The following RPTOR variants were observed in gnomAD, a reference collection of about 807,000 sequenced individuals.
The protein encoded by RPTOR is regulatory associated protein of MTOR complex 1, also known as regulatory-associated protein of mTOR.
Under a neutral mutation model 169.9 loss-of-function variants are expected in RPTOR, and 21 were observed. That is an observed-to-expected ratio of 0.12 (90% CI 0.09 to 0.18). RPTOR has a LOEUF of 0.18. Among genes scored for constraint, RPTOR ranks in the 10% least tolerant of loss-of-function variants. RPTOR has a pLI of 1.00. For missense variants in RPTOR, 1,133 were observed against 1,855.9 expected (o/e 0.61, Z 7.16); for synonymous variants, 732 against 753.2 (o/e 0.97, Z 0.46).
intron 5 of RPTOR, among the ~76,000 whole-genome samples, chr17:80,739,716 C>T (rs1159301748): frequency 1.3e-5 from 2 of 151,120 alleles, no homozygotes; most frequent in Non-Finnish European, 2.9e-5. Flanking sequence ...GGTCAGAAGC[C>T]TCAAGGGAAA....
chr17:80,915,524 C>T (rs2068663127), intron 21 of RPTOR, among the ~76,000 whole-genome samples: 2 of 127,990 alleles, frequency 1.6e-5, no homozygotes, highest in African/African-American at 3.0e-5. Context: ...GCTGAGCAGA[C>T]GTCGGGAAAA....
At chr17:80,839,164 T>A (rs1389600216) in intron 10 of RPTOR, among the ~76,000 whole-genome samples, 1 of 152,172 alleles carries the variant, frequency 6.6e-6, no homozygotes, top group Non-Finnish European at 1.5e-5. Flanking sequence ...TACGCGTGAG[T>A]GGGTGTGCAT....
chr17:80,925,472 G>A lies in RPTOR; in HGVS notation c.2911G>A (p.Val971Ile), dbSNP rs368064754. The change falls in exon 24 of 34, where the codon GTC (valine) becomes ATC (isoleucine). Residue 971 changes from valine (V) to isoleucine (I), a missense_variant. By Grantham distance (29) the Val-to-Ile change is conservative. Transcript: ENST00000306801. ...GAGCGCCCGCTATTTTGCCCAGCCC[G>A]TCATGAAGGTGCGCCCGGGGTGTGG... The part of the protein sequence containing the change: ...DWSARYFAQP[V>I]MKIPEEHDLE... The A allele has an allele frequency of 2.9e-5, 47 of 1,612,998 alleles. No individual in the cohort carries two copies. Among genetic ancestry groups the A allele is most frequent in the South Asian group, 2.3e-4 (21 of 91,086 alleles).
At chr17:80,653,735 T>G (rs2065658567) in intron 3 of RPTOR, among the ~76,000 whole-genome samples, 6 of 152,218 alleles carry the variant, frequency 3.9e-5, no homozygotes, top group Non-Finnish European at 1.5e-5. Context: ...CTGCAGGACG[T>G]TCCTTCCCCT....
rs138710888 is a variant in RPTOR, at chr17:80,547,942, C to T, written c.162+2151C>T. 2.6e-5 allele frequency among the ~76,000 whole-genome samples: 4 copies of T among 151,676 alleles called. No individual in the cohort carries two copies. The East Asian group carries it at 7.7e-4, about 29-fold the overall frequency. On this transcript the variant is annotated intron_variant, in intron 1 of 33. Transcript: ENST00000306801. ...AACTGGGCTATGGCCAGGCCTCTCT[C>T]TTTGTCTTTGAGAAGTCAGCAAACT...
intron 5 of RPTOR, among the ~76,000 whole-genome samples, chr17:80,744,619 T>C (rs113096540): frequency 0.014 from 52 of 3,636 alleles, 3 homozygotes; most frequent in South Asian, 0.045. Context: ...ACAGCCCTGG[T>C]TACTAGCAGA....
Position 80,962,595 on chromosome 17 carries a change from C to A in RPTOR, c.3809+18C>A. On this transcript the variant is annotated intron_variant, in intron 32 of 33. Transcript: ENST00000306801. ...ATCGCATGGTAGGCGCCACCCACCT[C>A]CCTGGCCTGCACCGCTCACCCGCCT... 6.3e-7 allele frequency: 1 copy of A among 1,598,546 alleles called. No homozygotes were observed. The highest frequency in any genetic ancestry group is 8.6e-7 in the Non-Finnish European group (1 of 1,167,790).
At chr17:80,760,710 A>G (rs1274864579) in intron 6 of RPTOR, among the ~76,000 whole-genome samples, 1 of 152,144 alleles carries the variant, frequency 6.6e-6, no homozygotes, top group Non-Finnish European at 1.5e-5. Context: ...GCTGCAGATG[A>G]CGGCTGTGCG....
In RPTOR at chr17:80,940,538, C is replaced by T. The variant is rs1484629953; in HGVS notation, c.2962C>T (p.Arg988Trp). 1.9e-6 allele frequency: 3 copies of T among 1,613,522 alleles called. No homozygotes were observed. The highest frequency in any genetic ancestry group is 2.5e-6 in the Non-Finnish European group (3 of 1,179,838). The change falls in exon 25 of 34, where the codon CGG becomes TGG. Residue 988 changes from arginine to tryptophan, a missense_variant. Around this residue, in one of 9 missense-constraint regions of RPTOR, gnomAD observed 410 missense variants for 623.7 expected, o/e 0.66. Coordinates refer to ENST00000306801, the MANE Select transcript of RPTOR (RefSeq NM_020761.3). ...CCTGGAGAGTCAGATCCGCAAGGAGCGGGAGTGGCGGTTCCTGCGAAACAG... is the reference window on the plus strand; with the variant it reads ...CCTGGAGAGTCAGATCCGCAAGGAGTGGGAGTGGCGGTTCCTGCGAAACAG... ...HDLESQIRKE[R>W]EWRFLRNSRV...
chr17:80,675,354 T>TA (rs1399432911), intron 3 of RPTOR, among the ~76,000 whole-genome samples: 1 of 152,208 alleles, frequency 6.6e-6, no homozygotes, highest in Non-Finnish European at 1.5e-5. Flanking sequence ...AGTTTGCTTC[T>TA]ATCAAGTGCT....
intron 5 of RPTOR, among the ~76,000 whole-genome samples, chr17:80,736,433 G>A (rs556143707): frequency 3.9e-5 from 6 of 151,990 alleles, no homozygotes; most frequent in Admixed American, 6.6e-5. Context: ...TGACTTAACC[G>A]CCCCCCGCCC....
intron 3 of RPTOR, among the ~76,000 whole-genome samples, chr17:80,663,972 C>T (rs1036878433): frequency 2.0e-5 from 3 of 152,118 alleles, no homozygotes; most frequent in African/African-American, 4.8e-5. Context: ...GCATCTTCCC[C>T]GTGACAGCCG....
chr17:80,576,760 G>C (rs991200134), intron 1 of RPTOR, among the ~76,000 whole-genome samples: 2 of 152,188 alleles, frequency 1.3e-5, no homozygotes, highest in African/African-American at 4.8e-5. Context: ...CTAGAGTAAA[G>C]TGGCATGACC....
Position 80,892,864 on chromosome 17 carries a change from A to G in RPTOR, c.2237A>G (p.Glu746Gly). Residue 746 changes from glutamate (E) to glycine (G), a missense_variant, in exon 19 of 34, where the codon GAG (glutamate) becomes GGG (glycine). By Grantham distance (98) the Glu-to-Gly change is moderately conservative. Coordinates refer to ENST00000306801, the MANE Select transcript of RPTOR (RefSeq NM_020761.3). ...TCTTTGCAGAACCTGAGTTTGACAGAGGAATGTAAGATCCTGGAAATCGGG... is the reference window on the plus strand; with the variant it reads ...TCTTTGCAGAACCTGAGTTTGACAGGGGAATGTAAGATCCTGGAAATCGGG... ...NKSLQNLSLT[E>G]ESGGAVAFSP... 1 of 1,613,738 alleles carries G rather than the reference A, an allele frequency of 6.2e-7. No homozygotes were observed. The highest frequency in any genetic ancestry group is 1.1e-5 in the South Asian group (1 of 91,028).
chr17:80,831,113 G>T (rs998233534), intron 9 of RPTOR, among the ~76,000 whole-genome samples: 3 of 152,170 alleles, frequency 2.0e-5, no homozygotes, highest in African/African-American at 7.2e-5. Flanking sequence ...GTGTTGTTCC[G>T]ATGTGTGTTT....
chr17:80,913,548 G>C (rs2068636941), intron 21 of RPTOR, among the ~76,000 whole-genome samples: 1 of 152,064 alleles, frequency 6.6e-6, no homozygotes, highest in Non-Finnish European at 1.5e-5. Context: ...GACCTCCTGG[G>C]CTCAAGCGAT....
At chr17:80,961,276 G>T in intron 30 of RPTOR, 118 bp from the exon 31 acceptor site, 2 of 906,756 alleles carry the variant, frequency 2.2e-6, no homozygotes, top group Non-Finnish European at 3.3e-6. Context: ...GGAGCGGACG[G>T]GCGAGGGCCT....
intron 4 of RPTOR, among the ~76,000 whole-genome samples, chr17:80,715,600 A>G (rs1567872206): frequency 6.7e-6 from 1 of 149,618 alleles, no homozygotes; most frequent in East Asian, 2.0e-4. Flanking sequence ...TTTTTTTTCA[A>G]TTTTTTATTT....
chr17:80,655,637 T>C (rs1598196174), intron 3 of RPTOR, among the ~76,000 whole-genome samples: 1 of 149,136 alleles, frequency 6.7e-6, no homozygotes. Context: ...AGTGCGGTGG[T>C]GTGATCATGG....
Sources: gnomAD v4.1 joint callset for allele counts (sites outside exome capture counted in the v4.1 genomes callset) on GRCh38, gnomAD v4.1.1 for gene constraint, gnomAD v4.1.1 regional missense constraint, MANE v1.5 for transcripts, NCBI Gene and HGNC (gene_info 2026-07-23, HGNC 2026-07-21) for gene names.